Variants in RNF213 observed in about 807,000 individuals in gnomAD.
The protein encoded by RNF213 is ring finger protein 213.
Under a neutral mutation model 514.4 loss-of-function variants are expected in RNF213, and 341 were observed. That is an observed-to-expected ratio of 0.66 (90% CI 0.61 to 0.73). The LOEUF (loss-of-function observed/expected upper bound fraction) is 0.73. Ranked by LOEUF, RNF213 falls within the 30% of genes least tolerant of loss-of-function variation. The probability of loss-of-function intolerance (pLI) is 0.00; values close to 1 mark genes in which losing one functional copy is unlikely to be tolerated. For missense variants in RNF213, 5,767 were observed against 6,615.6 expected (o/e 0.87, Z 4.45); for synonymous variants, 2,655 against 2,658.2 (o/e 1.00, Z 0.04).
intron 2 of RNF213, among the ~76,000 whole-genome samples, chr17:80,267,484 T>G (rs946457502): frequency 2.0e-5 from 3 of 152,154 alleles, no homozygotes; most frequent in East Asian, 3.9e-4. Context: ...CACAAATGAT[T>G]AGAGAGTGAA....
chr17:80,384,298 ACTC>A lies in RNF213; in HGVS notation c.14322+375_14322+377del, dbSNP rs761666712. Reference sequence around the variant, plus strand: ...CTGGAGCATGGGCAGATCAAACAAAACTCCTCCCTGTGCCTAAGCATCGAGGCG... The same window carrying A: ...CTGGAGCATGGGCAGATCAAACAAAACTCCCTGTGCCTAAGCATCGAGGCG... On this transcript the variant is annotated intron_variant, in intron 59 of 67. Transcript: ENST00000582970. 5.9e-5 allele frequency among the ~76,000 whole-genome samples: 9 copies of A among 151,322 alleles called. 1 individual carries two copies. Among genetic ancestry groups the A allele is most frequent in the Non-Finnish European group, 1.0e-4 (7 of 67,834 alleles).
rs78614412 is a variant in RNF213 at position 80,368,802 on chromosome 17, T to C, written c.12155+659T>C. ...CCTGAGGATCAACCCACTTCTTGTC[T>C]AGCTTTTTGGAGCTGGTTAAAAGCA... is the stretch of plus-strand genomic sequence containing the variant. On this transcript the variant is annotated intron_variant, in intron 44 of 67. Transcript: ENST00000582970. Among the ~76,000 whole-genome samples, 319 of 152,306 alleles carry C rather than the reference T, an allele frequency of 2.1e-3. 1 individual carries two copies. The highest frequency in any genetic ancestry group is 7.6e-3 in the African/African-American group (315 of 41,572).
chr17:80,355,509 G>T (rs1309446448), intron 36 of RNF213, among the ~76,000 whole-genome samples: 2 of 97,386 alleles, frequency 2.1e-5, no homozygotes, highest in African/African-American at 7.2e-5. Context: ...GGGTGACCGG[G>T]AATGGGGGCT....
chr17:80,387,062 C>T (rs922271336), intron 63 of RNF213, among the ~76,000 whole-genome samples, 171 bp downstream of exon 63: 23 of 152,356 alleles, frequency 1.5e-4, no homozygotes, highest in East Asian at 7.7e-4. Context: ...ATCTCCGGGC[C>T]GCAGGGCTCT....
intron 15 of RNF213, 24 bp downstream of exon 15, chr17:80,313,191 T>C: frequency 3.1e-6 from 5 of 1,613,884 alleles, no homozygotes; most frequent in East Asian, 2.2e-5. Flanking sequence ...CGAAGGCTTC[T>C]GGGTAGGGAT....
rs141576582 is a variant in RNF213 at position 80,352,604 on chromosome 17, G to A, written c.10304-336G>A. On this transcript the variant is annotated intron_variant, in intron 32 of 67. Transcript: ENST00000582970. ...AGAATGGAAGGCAGACCTTGCCAGT[G>A]TCCCCCACCCCTCACTAACTGTGAT... The A allele has an allele frequency of 9.4e-4, 540 of 573,938 alleles. 3 individuals carry two copies. The East Asian group carries it at 0.013, about 14-fold the overall frequency. 35.6% of individuals were successfully genotyped at this position (573,938 alleles called of 1,614,324 possible). A position where few individuals can be genotyped will look rare whatever the true frequency, so the allele number is the denominator to read the frequency against.
At chr17:80,302,534 A>G (rs2045217505) in intron 11 of RNF213, among the ~76,000 whole-genome samples, 1 of 152,174 alleles carries the variant, frequency 6.6e-6, no homozygotes, top group Admixed American at 6.6e-5. Flanking sequence ...CCCCATAAAT[A>G]TGTACAATTA....
chr17:80,386,843 G>A lies in RNF213; in HGVS notation c.14874G>A (p.Arg4958=). ...AGTTCGATCTGGAGAAGATTCAGCG[G>A]CAGATCGTCAGCCGCTTCCTCCAGG... is the stretch of plus-strand genomic sequence containing the variant. ...VQEFDLEKIQ[R]QIVSRFLQGK... Residue 4958 remains arginine (R), a synonymous_variant, in exon 63 of 68, where the codon CGG becomes CGA. Coordinates refer to ENST00000582970, the MANE Select transcript of RNF213 (RefSeq NM_001256071.3). The A allele has an allele frequency of 6.2e-7, 1 of 1,614,070 alleles. No homozygotes were observed. The highest frequency in any genetic ancestry group is 8.5e-7 in the Non-Finnish European group (1 of 1,180,028).
chr17:80,300,258 G>T (rs2045126957), intron 11 of RNF213, among the ~76,000 whole-genome samples: 3 of 151,792 alleles, frequency 2.0e-5, no homozygotes, highest in Non-Finnish European at 4.4e-5. Context: ...TGTTAAGATG[G>T]TATCTCACTG....
intron 3 of RNF213, among the ~76,000 whole-genome samples, chr17:80,277,754 C>G (rs2044121556): frequency 6.6e-6 from 1 of 152,198 alleles, no homozygotes; most frequent in African/African-American, 2.4e-5. Flanking sequence ...CTATTGAATT[C>G]TGAAGCTGAG....
At chr17:80,340,417 C>A (rs2078118753) in intron 26 of RNF213, 61 bp downstream of exon 26, 14 of 1,489,376 alleles carry the variant, frequency 9.4e-6, no homozygotes, top group Non-Finnish European at 1.3e-5. Context: ...GGCCCTTCCC[C>A]CCTCCAGCAG....
At chr17:80,283,727 G>T (rs1040564419) in intron 3 of RNF213, among the ~76,000 whole-genome samples, 5 of 152,266 alleles carry the variant, frequency 3.3e-5, no homozygotes, top group African/African-American at 1.2e-4. Context: ...GAGGTGGGGG[G>T]TGGTCAGGGG....
intron 18 of RNF213, 139 bp downstream of exon 18, chr17:80,325,337 C>T (rs1360404866): frequency 2.4e-6 from 2 of 826,140 alleles, no homozygotes; most frequent in Non-Finnish European, 1.8e-6. Context: ...GCAGTTTGGA[C>T]AGAGAGACCC....
chr17:80,365,946 G>A (rs1226223133), intron 42 of RNF213, among the ~76,000 whole-genome samples: 2 of 151,606 alleles, frequency 1.3e-5, no homozygotes, highest in Non-Finnish European at 2.9e-5. Flanking sequence ...GGTTTTTTTT[G>A]GCGATAAAAT....
chr17:80,274,139 A>T (rs1300600494), intron 3 of RNF213, among the ~76,000 whole-genome samples: 1 of 151,874 alleles, frequency 6.6e-6, no homozygotes, highest in Admixed American at 6.6e-5. Flanking sequence ...CTCTGCATTG[A>T]GGGTGCGTGC....
chr17:80,324,936 A>G, intron 17 of RNF213, 94 bp from the exon 18 acceptor site: 2 of 1,211,658 alleles, frequency 1.7e-6, no homozygotes, highest in Non-Finnish European at 2.3e-6. Context: ...AGTAGATTTC[A>G]GAAATGCTAT....
At chr17:80,319,566 C>T (rs1365445170) in intron 17 of RNF213, 11 of 1,600,918 alleles carry the variant, frequency 6.9e-6, no homozygotes, top group South Asian at 5.6e-5. Context: ...CGGCCGTGCG[C>T]GTGTGGCACA....
chr17:80,306,115 A>G, intron 11 of RNF213, 137 bp from the exon 12 acceptor site: 1 of 835,846 alleles, frequency 1.2e-6, no homozygotes, highest in Admixed American at 2.0e-5. Context: ...GGTGTGAGCC[A>G]CCACGCCTGC....
rs1341164752 is a variant in RNF213 at position 80,263,757 on chromosome 17, C to T, written c.76C>T (p.Pro26Ser). Reference sequence around the variant, plus strand: ...CTGCAGCCAGTGCGGAGAGAGGCTGCCTCCTGCAGCCCCCATAGCAGGTGA... The same window carrying T: ...CTGCAGCCAGTGCGGAGAGAGGCTGTCTCCTGCAGCCCCCATAGCAGGTGA... ...KFCSQCGERL[P>S]PAAPIADSEN... Residue 26 changes from proline (P) to serine (S), a missense_variant, in exon 2 of 68, where the codon CCT becomes TCT. Coordinates refer to ENST00000582970, the MANE Select transcript of RNF213 (RefSeq NM_001256071.3). The surrounding 1 kb of genome is among the most constrained non-coding windows in gnomAD (Gnocchi z 4.9). 3 of 1,613,928 alleles carry T rather than the reference C, an allele frequency of 1.9e-6. No homozygotes were observed. The highest frequency in any genetic ancestry group is 2.5e-6 in the Non-Finnish European group (3 of 1,179,990).
Sources: gnomAD v4.1 joint callset for allele counts (sites outside exome capture counted in the v4.1 genomes callset) on GRCh38, gnomAD v4.1.1 for gene constraint, Gnocchi (gnomAD v3.1) non-coding constraint, MANE v1.5 for transcripts, NCBI Gene and HGNC (gene_info 2026-07-23, HGNC 2026-07-21) for gene names.